Variants in PRKACB observed in about 807,000 individuals in gnomAD.
The protein encoded by PRKACB is protein kinase cAMP-activated catalytic subunit beta.
In PRKACB, 16 loss-of-function variants were observed where a neutral mutation model predicts 51.4. That is an observed-to-expected ratio of 0.31 (90% CI 0.21 to 0.47). The LOEUF (loss-of-function observed/expected upper bound fraction) is 0.47. PRKACB is among the 20% of genes least tolerant of loss of function. The probability of loss-of-function intolerance (pLI) is 1.00; values close to 1 mark genes in which losing one functional copy is unlikely to be tolerated. For missense variants in PRKACB, 309 were observed against 464.5 expected, an observed-to-expected ratio of 0.67 and a Z score of 3.08; for synonymous variants, 147 against 154.4, an observed-to-expected ratio of 0.95 and a Z score of 0.35.
At chr1:84,143,811 A>C (rs1364702070), upstream of PRKACB, among the ~76,000 whole-genome samples, 4 of 152,114 alleles carry the variant, frequency 2.6e-5, no homozygotes, top group African/African-American at 9.7e-5. Context: ...TGTTTTATTT[A>C]TACGTGTTAT....
intron 1 of PRKACB, among the ~76,000 whole-genome samples, chr1:84,125,257 T>C (rs1370732283): frequency 6.6e-6 from 1 of 152,166 alleles, no homozygotes; most frequent in African/African-American, 2.4e-5. Context: ...CTTAGAGCCC[T>C]CTCTCTGGTG....
chr1:84,174,927 T>A (rs1660725608), intron 1 of PRKACB: 1 of 1,019,098 alleles, frequency 9.8e-7, no homozygotes, highest in South Asian at 2.5e-5. Flanking sequence ...TACATTAACA[T>A]TTTATTTCTG....
intron 9 of PRKACB, among the ~76,000 whole-genome samples, chr1:84,230,841 A>C: frequency 6.9e-6 from 1 of 145,632 alleles, no homozygotes; most frequent in African/African-American, 2.7e-5. Context: ...GGCTGAGACA[A>C]TGGGGTTTTC....
intron 1 of PRKACB, among the ~76,000 whole-genome samples, chr1:84,112,488 C>T (rs1259135874): frequency 6.6e-6 from 1 of 152,032 alleles, no homozygotes; most frequent in Non-Finnish European, 1.5e-5. Context: ...CCACCTGCCT[C>T]GGCCTCCCAA....
At chr1:84,219,002 G>A (rs1310808222) in intron 9 of PRKACB, among the ~76,000 whole-genome samples, 1 of 152,076 alleles carries the variant, frequency 6.6e-6, no homozygotes, top group Admixed American at 6.6e-5. Context: ...TTTGGCTACT[G>A]AATTATTGGA....
At chr1:84,183,359 T>C (rs1403511736) in intron 3 of PRKACB, among the ~76,000 whole-genome samples, 2 of 152,138 alleles carry the variant, frequency 1.3e-5, no homozygotes, top group Non-Finnish European at 2.9e-5. Flanking sequence ...TAAGTCTAAA[T>C]GACCTAGGAT....
chr1:84,199,118 T>TATATGCATATATGTATATATATGC lies in PRKACB; in HGVS notation c.783+1298_783+1299insGCATATATGTATATATATGCATAT, dbSNP rs1669278627. On this transcript the variant is annotated intron_variant, in intron 7 of 9. Transcript: ENST00000370685. ...ATATGCATATATGTATATATATGCA[T>TATATGCATATATGTATATATATGC]ATATATATATATATACACACACATT... Among the ~76,000 whole-genome samples the TATATGCATATATGTATATATATGC allele has an allele frequency of 9.9e-5, 11 of 111,226 alleles. No individual in the cohort carries two copies. In the East Asian group the frequency reaches 1.9e-3, roughly 19 times the overall value. The allele number at this position is 111,226 out of a possible 152,430, so 73.0% of individuals were successfully genotyped here.
intron 2 of PRKACB, among the ~76,000 whole-genome samples, 161 bp from the exon 3 acceptor site, chr1:84,182,039 A>C (rs891134594): frequency 3.9e-5 from 6 of 152,030 alleles, no homozygotes; most frequent in Non-Finnish European, 7.4e-5. Context: ...AAAGGGAAAA[A>C]TAGAACCAAT....
intron 1 of PRKACB, among the ~76,000 whole-genome samples, chr1:84,148,387 CTA>C (rs1438790506): frequency 1.3e-5 from 2 of 151,340 alleles, no homozygotes; most frequent in Non-Finnish European, 2.9e-5. Flanking sequence ...AGTTTGTATA[CTA>C]TATATATTAT....
At chr1:84,103,249 G>C (rs1035892009) in intron 1 of PRKACB, among the ~76,000 whole-genome samples, 2 of 152,060 alleles carry the variant, frequency 1.3e-5, no homozygotes, top group Admixed American at 6.6e-5. Context: ...ATCTGGGCTG[G>C]GTTTCTCATT....
At chr1:84,221,202 T>C (rs1316475408) in intron 9 of PRKACB, among the ~76,000 whole-genome samples, 2 of 152,054 alleles carry the variant, frequency 1.3e-5, no homozygotes, top group Non-Finnish European at 2.9e-5. Context: ...AGAATTTATC[T>C]ATTTCCTCTA....
rs542770428 is a variant in PRKACB, at chr1:84,085,696, C to G, written c.46+7325C>G. 2.0e-5 allele frequency: 4 copies of G among 195,376 alleles called. No homozygotes were observed. The South Asian group carries it at 6.9e-4, about 34-fold the overall frequency. The allele number at this position is 195,376 out of a possible 1,614,324, so 12.1% of individuals were successfully genotyped here. On this transcript the variant is annotated intron_variant, in intron 1 of 8. Transcript: ENST00000370688. ...AAAGGACAGGAGTGCCCTTGTCAGG[C>G]AGGGAGGGCTGGGCTGTGCATCCCT...
intron 1 of PRKACB, among the ~76,000 whole-genome samples, chr1:84,162,606 T>C (rs1053310291): frequency 2.0e-5 from 3 of 152,116 alleles, no homozygotes; most frequent in Non-Finnish European, 4.4e-5. Context: ...TTGGTTATTA[T>C]ACTTTTCAAA....
chr1:84,175,678 A>T (rs1660987647), intron 1 of PRKACB: 2 of 771,760 alleles, frequency 2.6e-6, no homozygotes, highest in East Asian at 2.9e-5. Context: ...TTGAGGGGGG[A>T]TAAGAAGTAA....
At chr1:84,111,223 T>G (rs1398339618) in intron 1 of PRKACB, among the ~76,000 whole-genome samples, 2 of 152,118 alleles carry the variant, frequency 1.3e-5, no homozygotes, top group Non-Finnish European at 2.9e-5. Flanking sequence ...TTAAAGTACT[T>G]TTTAAGGCAC....
chr1:84,229,428 G>C (rs1474190899), intron 9 of PRKACB, among the ~76,000 whole-genome samples: 9 of 106,492 alleles, frequency 8.5e-5, no homozygotes, highest in Non-Finnish European at 1.3e-4. Flanking sequence ...ATGATTTATA[G>C]TCCTTTGGGT....
At chr1:84,144,665 C>A in intron 1 of PRKACB, 117 bp downstream of exon 1, 1 of 1,129,332 alleles carries the variant, frequency 8.9e-7, no homozygotes, top group Non-Finnish European at 1.2e-6. Flanking sequence ...TTCACAAGGA[C>A]ATTTTGCAAG....
At chr1:84,186,580 A>T (rs1354575362) in intron 5 of PRKACB, among the ~76,000 whole-genome samples, 1 of 151,956 alleles carries the variant, frequency 6.6e-6, no homozygotes, top group Non-Finnish European at 1.5e-5. Flanking sequence ...CTCGACTCTG[A>T]TTTAGTTAGG....
At position 84,086,072 on chromosome 1, in the gene PRKACB, G is replaced by A. The variant is rs79587592; in HGVS notation, c.46+7701G>A. 1.4e-3 allele frequency: 1,661 copies of A among 1,205,838 alleles called. 24 individuals are homozygous for A. In the African/African-American group the frequency reaches 0.021, roughly 15 times the overall value. The allele number at this position is 1,205,838 out of a possible 1,614,324, so 74.7% of individuals were successfully genotyped here. ...CAAGCAGCATAGGAAAGTGCTGATG[G>A]CCAAGGTGTATATTGATGACCACAC... is the stretch of plus-strand genomic sequence containing the variant. On this transcript the variant is annotated intron_variant, in intron 1 of 8. Coordinates refer to the PRKACB transcript ENST00000370688.
Sources: allele counts gnomAD v4.1 joint callset (sites outside exome capture counted in the v4.1 genomes callset), GRCh38; gene constraint gnomAD v4.1.1; transcripts MANE v1.5; gene names NCBI Gene and HGNC (gene_info 2026-07-23, HGNC 2026-07-21).